The following EXT1 variants were observed in gnomAD, a reference collection of about 807,000 sequenced individuals.
EXT1 encodes exostosin glycosyltransferase 1.
In EXT1, 20 loss-of-function variants were observed where a neutral mutation model predicts 82.5. The ratio of observed to expected loss-of-function variants is 0.24; its 90% CI spans 0.17 to 0.35. The LOEUF (loss-of-function observed/expected upper bound fraction) is 0.35, where lower values mean the gene tolerates loss of function less well. Ranked by LOEUF, EXT1 falls within the 10% of genes least tolerant of loss-of-function variation. The pLI is 1.00. For synonymous variants in EXT1, 348 were observed against 350.8 expected (o/e 0.99, Z 0.09); for missense variants, 757 against 936.5 (o/e 0.81, Z 2.50).
At chr8:118,089,128 GT>G (rs904540233) in intron 1 of EXT1, among the ~76,000 whole-genome samples, 1 of 152,046 alleles carries the variant, frequency 6.6e-6, no homozygotes, top group Non-Finnish European at 1.5e-5. Flanking sequence ...ATATCATAAG[GT>G]TTTTTTATAG....
At chr8:117,908,652 A>C (rs1187558272) in intron 1 of EXT1, among the ~76,000 whole-genome samples, 2 of 152,062 alleles carry the variant, frequency 1.3e-5, no homozygotes, top group Non-Finnish European at 2.9e-5. Context: ...AAAACAAAAA[A>C]AACCAACAAA....
At chr8:117,821,924 C>T (rs1274263036) in intron 5 of EXT1, among the ~76,000 whole-genome samples, 1 of 152,180 alleles carries the variant, frequency 6.6e-6, no homozygotes, top group Non-Finnish European at 1.5e-5. Flanking sequence ...CGCTTGAAAG[C>T]AGAGATTGTA....
intron 1 of EXT1, among the ~76,000 whole-genome samples, chr8:117,879,439 A>C (rs1481682169): frequency 6.6e-6 from 1 of 151,820 alleles, no homozygotes; most frequent in Non-Finnish European, 1.5e-5. Flanking sequence ...TCCTTTCCAC[A>C]TGAAAAAAAA....
chr8:117,956,553 C>A (rs892987661), intron 1 of EXT1, among the ~76,000 whole-genome samples: 2 of 152,166 alleles, frequency 1.3e-5, no homozygotes, highest in Non-Finnish European at 2.9e-5. Flanking sequence ...AGCAATTCTC[C>A]TGCCTCAGCC....
intron 1 of EXT1, among the ~76,000 whole-genome samples, chr8:118,010,730 G>A (rs753079668): frequency 1.3e-5 from 2 of 152,192 alleles, no homozygotes; most frequent in Non-Finnish European, 2.9e-5. Context: ...CGGCACGGCC[G>A]CAAGAGTGTG....
chr8:117,976,474 T>C (rs1252544868), intron 1 of EXT1, among the ~76,000 whole-genome samples: 1 of 152,168 alleles, frequency 6.6e-6, no homozygotes, highest in East Asian at 1.9e-4. Flanking sequence ...CACAACCTCA[T>C]GGATCCTCAC....
At chr8:117,815,659 C>G (rs947132609) in intron 7 of EXT1, among the ~76,000 whole-genome samples, 2 of 152,142 alleles carry the variant, frequency 1.3e-5, no homozygotes, top group African/African-American at 4.8e-5. Context: ...TGGCCAGGTA[C>G]AGTGGCTCCC....
intron 1 of EXT1, among the ~76,000 whole-genome samples, chr8:117,983,563 A>G (rs528456528): frequency 2.6e-5 from 4 of 152,314 alleles, no homozygotes; most frequent in African/African-American, 9.6e-5. Flanking sequence ...TGTCACAGGT[A>G]TGTTCTAAAC....
intron 1 of EXT1, among the ~76,000 whole-genome samples, chr8:118,081,046 T>A (rs1817317495): frequency 6.6e-6 from 1 of 152,222 alleles, no homozygotes; most frequent in Non-Finnish European, 1.5e-5. Flanking sequence ...TGCCAGGCAC[T>A]GAGCAAAATG....
intron 1 of EXT1, among the ~76,000 whole-genome samples, chr8:118,073,651 A>G (rs1294806945): frequency 7.9e-6 from 1 of 126,660 alleles, no homozygotes; most frequent in African/African-American, 3.0e-5. Flanking sequence ...AGAGAAGAGA[A>G]GAGAAGAGAA....
At chr8:117,847,893 A>C (rs1812389127) in intron 1 of EXT1, among the ~76,000 whole-genome samples, 1 of 110,228 alleles carries the variant, frequency 9.1e-6, no homozygotes, top group African/African-American at 2.8e-5. Context: ...AAATATCTTG[A>C]GAATCCAATG....
At chr8:117,809,245 T>TATATATATATATATATA (rs1563874289) in intron 8 of EXT1, among the ~76,000 whole-genome samples, 1 of 66,050 alleles carries the variant, frequency 1.5e-5, no homozygotes, top group East Asian at 5.3e-4. Context: ...ATATATATAT[T>TATATATATATATATATA]ATGTTCTATT....
rs772363578 is a variant in EXT1, at chr8:118,110,857, G to A, written c.190C>T (p.Pro64Ser). The stretch of plus-strand genomic sequence containing the variant: ...TCCAATTGATCCCAAGGAACGAAGG[G>A]GCGCAGAGCGTCCGGGAAGCGGGGC... ...FWPRFPDALR[P>S]FVPWDQLENE... Residue 64 changes from proline to serine, a missense_variant, in exon 1 of 11, where the codon CCC (proline) becomes TCC (serine). Pro to Ser is a moderately conservative substitution (Grantham distance 74). Coordinates refer to ENST00000378204, the MANE Select transcript of EXT1 (RefSeq NM_000127.3). The A allele has an allele frequency of 5.0e-6, 8 of 1,612,984 alleles. No homozygotes were observed. Among genetic ancestry groups the A allele is most frequent in the East Asian group, 2.2e-5 (1 of 44,866 alleles).
At chr8:117,898,214 A>G (rs1343295755) in intron 1 of EXT1, among the ~76,000 whole-genome samples, 1 of 152,174 alleles carries the variant, frequency 6.6e-6, no homozygotes, top group East Asian at 1.9e-4. Flanking sequence ...TTAGCCATAT[A>G]CATTCTGGGG....
Position 117,930,952 on chromosome 8 carries a change from G to T in EXT1, c.963-93751C>A, listed in dbSNP as rs1814048282. Among the ~76,000 whole-genome samples, 2 of 152,160 alleles carry T rather than the reference G, an allele frequency of 1.3e-5. 1 individual carries two copies. Among genetic ancestry groups the T allele is most frequent in the Admixed American group, 1.3e-4 (2 of 15,284 alleles). On this transcript the variant is annotated intron_variant, in intron 1 of 10. Coordinates refer to ENST00000378204, the MANE Select transcript of EXT1 (RefSeq NM_000127.3). ...ATTGTATTGCATTAGCATGCTAAAA[G>T]ACACTTCCACCAATGCCATGACAGT...
At chr8:117,835,335 G>C (rs1279646724) in intron 3 of EXT1, 109 bp downstream of exon 3, 2 of 805,086 alleles carry the variant, frequency 2.5e-6, no homozygotes, top group Non-Finnish European at 4.3e-6. Context: ...ATTTTCTCCT[G>C]ATAAGATTTC....
At chr8:117,880,063 A>G (rs142759019) in intron 1 of EXT1, among the ~76,000 whole-genome samples, 79 of 152,334 alleles carry the variant, frequency 5.2e-4, no homozygotes, top group African/African-American at 1.8e-3. Context: ...ATCATGAATG[A>G]AATTCCCTTA....
At chr8:117,815,191 A>G (rs1383478663) in intron 7 of EXT1, among the ~76,000 whole-genome samples, 2 of 152,260 alleles carry the variant, frequency 1.3e-5, no homozygotes, top group Non-Finnish European at 2.9e-5. Context: ...CCAGCTTAGC[A>G]CTGCCCTGAC....
At chr8:118,070,224 TTCTGTGTGTGTGTGTGTGTG>T (rs1563646538) in intron 1 of EXT1, among the ~76,000 whole-genome samples, 2 of 121,510 alleles carry the variant, frequency 1.6e-5, no homozygotes. Context: ...CATCATAAAT[TTCTGTGTGTGTGTGTGTGTG>T]TGTGTGTGTG....
Sources: allele counts gnomAD v4.1 joint callset (sites outside exome capture counted in the v4.1 genomes callset), GRCh38; gene constraint gnomAD v4.1.1; transcripts MANE v1.5; gene names NCBI Gene and HGNC (gene_info 2026-07-23, HGNC 2026-07-21).